Variants in RS1 observed in about 807,000 individuals in gnomAD.
RS1 encodes retinoschisin 1.
RS1 carries 2 observed loss-of-function variants against 20.8 expected under a neutral mutation model. That is an observed-to-expected ratio of 0.10 (90% CI 0.04 to 0.30). The LOEUF (loss-of-function observed/expected upper bound fraction) is 0.30, where lower values mean the gene tolerates loss of function less well. RS1 is among the 10% of genes least tolerant of loss of function. The probability of loss-of-function intolerance (pLI) is 1.00; values close to 1 mark genes in which losing one functional copy is unlikely to be tolerated. For missense variants in RS1, 151 were observed against 189.8 expected (o/e 0.80, Z 1.20); for synonymous variants, 70 against 75.8 (o/e 0.92, Z 0.40).
Position 18,641,049 on chromosome X carries a change from C to G in RS1, c.*955G>C, listed in dbSNP as rs893068490. 8.9e-6 allele frequency: 1 copy of G among 112,675 alleles called. No individual in the cohort carries two copies. The highest frequency in any genetic ancestry group is 3.2e-5 in the African/African-American group (1 of 31,010). The allele number at this position is 112,675 out of a possible 1,213,427, so 9.3% of individuals were successfully genotyped here. A position where few individuals can be genotyped will look rare whatever the true frequency, so the allele number is the denominator to read the frequency against. On this transcript the variant is annotated 3_prime_UTR_variant, in exon 6 of 6. Transcript: ENST00000379984. ...CATGGTCCTTTTTATGATGTGAGTC[C>G]TTCCCACTTCCTGCGAAGCATGTAG...
At chrX:18,649,601 G>C (rs1369094144) in intron 3 of RS1, among the ~76,000 whole-genome samples, 1 of 111,643 alleles carries the variant, frequency 9.0e-6, no homozygotes, top group Non-Finnish European at 1.9e-5. Context: ...GTGGGTCTGA[G>C]GGTGAGGGCA....
chrX:18,656,352 C>T (rs1166259072), intron 3 of RS1, among the ~76,000 whole-genome samples: 1 of 111,862 alleles, frequency 8.9e-6, no homozygotes, highest in Admixed American at 9.5e-5. Context: ...TAGATCCCAT[C>T]GTACTATCCC....
chrX:18,642,322 A>G (rs1440222858), intron 5 of RS1, among the ~76,000 whole-genome samples, 166 bp from the exon 6 acceptor site: 2 of 111,948 alleles, frequency 1.8e-5, no homozygotes, highest in Non-Finnish European at 3.8e-5. Context: ...TTGTCATCAC[A>G]CCTACATGCT....
chrX:18,644,739 C>T (rs960643185), intron 4 of RS1, 114 bp from the exon 5 acceptor site: 7 of 750,834 alleles, frequency 9.3e-6, no homozygotes, highest in African/African-American at 6.3e-5. Flanking sequence ...CTGCCAAGCT[C>T]GGGCAGTCTG....
chrX:18,667,251 T>A (rs1928419428), intron 1 of RS1, among the ~76,000 whole-genome samples: 1 of 110,973 alleles, frequency 9.0e-6, no homozygotes, highest in South Asian at 3.8e-4. Context: ...GTCAGTTAGG[T>A]CAACATCAAT....
rs376557374 is a variant in RS1 at position 18,650,479 on chromosome X, G to A, written c.185-3147C>T. 24 of 1,210,065 alleles carry A rather than the reference G, an allele frequency of 2.0e-5. No homozygotes were observed. In the East Asian group the frequency reaches 4.1e-4, roughly 21 times the overall value. ...TGCGTCCCAAACCGAGCCCTTCATC[G>A]TCCAATCTCCAGTCCTGCTCCCTAT... On this transcript the variant is annotated intron_variant, in intron 3 of 5. Coordinates refer to ENST00000379984, the MANE Select transcript of RS1 (RefSeq NM_000330.4).
chrX:18,653,798 T>C (rs1453649225), intron 3 of RS1, among the ~76,000 whole-genome samples: 1 of 109,718 alleles, frequency 9.1e-6, no homozygotes, highest in Non-Finnish European at 1.9e-5. Flanking sequence ...TGAAACCCCG[T>C]CTCTACTAAA....
rs1351410761 is a variant in RS1, at chrX:18,645,935, T to C, written c.326+1256A>G. 1.8e-5 allele frequency: 22 copies of C among 1,202,616 alleles called. No homozygotes were observed. The Admixed American group carries it at 4.0e-4, about 22-fold the overall frequency. ...ATGGGATGTGGGCAGAAGTGGCCAA[T>C]AGAATATGTTTGTGTTCTTAAAGGC... On this transcript the variant is annotated intron_variant, in intron 4 of 5. Transcript: ENST00000379984.
intron 5 of RS1, among the ~76,000 whole-genome samples, chrX:18,642,970 G>A (rs779555478): frequency 2.7e-5 from 3 of 111,165 alleles, no homozygotes; most frequent in Non-Finnish European, 1.9e-5. Flanking sequence ...ACTTGAACCC[G>A]GGAGGCGGAG....
intron 4 of RS1, among the ~76,000 whole-genome samples, chrX:18,645,418 A>G (rs1209794593): frequency 9.1e-6 from 1 of 110,192 alleles, no homozygotes; most frequent in Admixed American, 9.7e-5. Flanking sequence ...ACACGTCCCA[A>G]TGTGAGCCCC....
At chrX:18,650,576 C>T (rs1423203693) in intron 3 of RS1, 1 of 1,210,768 alleles carries the variant, frequency 8.3e-7, no homozygotes, top group Admixed American at 2.2e-5. Flanking sequence ...CTTTCAGCTG[C>T]CCAACCCAGC....
At chrX:18,666,837 C>G (rs1928412928) in intron 1 of RS1, among the ~76,000 whole-genome samples, 1 of 110,490 alleles carries the variant, frequency 9.1e-6, no homozygotes, top group Admixed American at 9.7e-5. Flanking sequence ...GCTGGGGCAA[C>G]TGGGAGGATA....
At position 18,640,428 on chromosome X, in the gene RS1, C is replaced by A. The variant is rs1157069003; in HGVS notation, c.*1576G>T. On this transcript the variant is annotated 3_prime_UTR_variant, in exon 6 of 6. Transcript: ENST00000379984. Reference sequence around the variant, plus strand: ...CTGTGTCCTAAGGCCAGGGATAAGTCCCCCCACCCCCCCCCCCCACCCCCA... The same window carrying A: ...CTGTGTCCTAAGGCCAGGGATAAGTACCCCCACCCCCCCCCCCCACCCCCA... 3.7e-5 allele frequency: 1 copy of A among 26,672 alleles called. No individual in the cohort carries two copies. The highest frequency in any genetic ancestry group is 1.9e-4 in the African/African-American group (1 of 5,379). 2.2% of individuals were successfully genotyped at this position (26,672 alleles called of 1,213,427 possible).
At chrX:18,644,988 A>G (rs1429890874) in intron 4 of RS1, among the ~76,000 whole-genome samples, 1 of 112,034 alleles carries the variant, frequency 8.9e-6, no homozygotes, top group Non-Finnish European at 1.9e-5. Context: ...CCTCTGCTTG[A>G]GACTCCCAGG....
At chrX:18,657,563 C>A in intron 2 of RS1, 77 bp downstream of exon 2, 1 of 766,765 alleles carries the variant, frequency 1.3e-6, no homozygotes. Flanking sequence ...AAGTGATAGT[C>A]CTCTATGTTA....
chrX:18,649,913 G>A (rs1274492061), intron 3 of RS1, among the ~76,000 whole-genome samples: 1 of 111,448 alleles, frequency 9.0e-6, no homozygotes, highest in Non-Finnish European at 1.9e-5. Context: ...AACCTTGGGT[G>A]TCTCTGAGGC....
chrX:18,651,989 C>T (rs145229770), intron 3 of RS1, among the ~76,000 whole-genome samples: 473 of 110,401 alleles, frequency 4.3e-3, no homozygotes, highest in African/African-American at 0.014. Flanking sequence ...GATCTCTGCC[C>T]GCCCTGAGCT....
chrX:18,647,380 C>T, intron 3 of RS1, 48 bp from the exon 4 acceptor site: 13 of 1,180,888 alleles, frequency 1.1e-5, no homozygotes, highest in Non-Finnish European at 1.5e-5. Flanking sequence ...CAATACTCAA[C>T]AAGCACCAGG....
intron 1 of RS1, among the ~76,000 whole-genome samples, chrX:18,661,455 T>C (rs1159557205): frequency 9.0e-6 from 1 of 111,676 alleles, no homozygotes; most frequent in East Asian, 2.8e-4. Flanking sequence ...TAGTTTGCCG[T>C]CTGTAGGCGG....
Sources: gnomAD v4.1 joint callset for allele counts (sites outside exome capture counted in the v4.1 genomes callset) on GRCh38, gnomAD v4.1.1 for gene constraint, MANE v1.5 for transcripts, NCBI Gene and HGNC (gene_info 2026-07-23, HGNC 2026-07-21) for gene names.